Variants in XKR9 observed in about 807,000 individuals in gnomAD.
XKR9 encodes the protein XK related 9.
XKR9 carries 32 observed loss-of-function variants against 32.0 expected under a neutral mutation model. That is an observed-to-expected ratio of 1.00 (90% confidence interval 0.76 to 1.34). XKR9 has a LOEUF of 1.34. XKR9 is among the 40% of genes most tolerant of loss of function. The pLI is 0.00. For missense variants in XKR9, 546 were observed against 429.7 expected (o/e 1.27, Z -2.39); for synonymous variants, 168 against 143.4 (o/e 1.17, Z -1.22).
the XKR9 span, among the ~76,000 whole-genome samples, chr8:70,970,250 A>G: frequency 1.4e-3 from 215 of 152,354 alleles, no homozygotes; most frequent in African/African-American, 5.0e-3. Flanking sequence ...TCCTCTGGGT[A>G]GATACCTCGT....
chr8:71,063,652 A>G, the XKR9 span, among the ~76,000 whole-genome samples: 23 of 152,332 alleles, frequency 1.5e-4, no homozygotes, highest in African/African-American at 5.3e-4. Context: ...ATTTCAAACC[A>G]AAACCTAAAG....
intron 2 of XKR9, among the ~76,000 whole-genome samples, chr8:70,755,910 T>C (rs1490624495): frequency 1.3e-5 from 2 of 150,040 alleles, no homozygotes; most frequent in Non-Finnish European, 3.0e-5. Context: ...TAAAGTATAA[T>C]AATAATAATT....
the XKR9 span, among the ~76,000 whole-genome samples, chr8:70,862,305 T>C: frequency 1.3e-5 from 2 of 152,154 alleles, no homozygotes; most frequent in Admixed American, 6.6e-5. Context: ...CCCCACATAG[T>C]CTCTTATAAG....
intron 3 of XKR9, among the ~76,000 whole-genome samples, chr8:70,705,282 C>T (rs1029545724): frequency 2.0e-5 from 3 of 152,118 alleles, no homozygotes; most frequent in South Asian, 2.1e-4. Context: ...AAAACAAAGT[C>T]TGTCCTTTCA....
chr8:70,823,633 C>A, the XKR9 span, among the ~76,000 whole-genome samples: 1 of 152,156 alleles, frequency 6.6e-6, no homozygotes, highest in Non-Finnish European at 1.5e-5. Flanking sequence ...GAGATTCGAA[C>A]TTTTGGTAAG....
At chr8:70,731,830 G>A (rs150837162) in intron 4 of XKR9, among the ~76,000 whole-genome samples, 20 of 152,262 alleles carry the variant, frequency 1.3e-4, no homozygotes, top group South Asian at 6.2e-4. Flanking sequence ...GACTTCCATC[G>A]ACAATTCCTT....
At chr8:70,956,176 C>T in the XKR9 span, among the ~76,000 whole-genome samples, 3,346 of 152,260 alleles carry the variant, frequency 0.022, 104 homozygotes, top group African/African-American at 0.078. Flanking sequence ...CTGAGTTCTT[C>T]TCCCACGTCC....
chr8:70,706,918 A>T lies in XKR9; in HGVS notation c.273-15A>T. ...AATATAAAACTAAAGAGAAATGTTT[A>T]TGTTTACTTTATAGGTATTGGTTTG... On this transcript the variant is annotated splice_polypyrimidine_tract_variant and intron_variant, in intron 3 of 4. Transcript: ENST00000408926. 6.3e-7 allele frequency: 1 copy of T among 1,578,290 alleles called. No individual in the cohort carries two copies. Among genetic ancestry groups the T allele is most frequent in the Non-Finnish European group, 8.7e-7 (1 of 1,155,870 alleles).
chr8:71,003,249 C>T, the XKR9 span, among the ~76,000 whole-genome samples: 61 of 152,152 alleles, frequency 4.0e-4, no homozygotes, highest in Non-Finnish European at 8.1e-4. Flanking sequence ...TTTCCTGTAA[C>T]ATATAAATGT....
chr8:71,064,211 G>A, the XKR9 span, among the ~76,000 whole-genome samples: 12 of 151,978 alleles, frequency 7.9e-5, no homozygotes, highest in Non-Finnish European at 1.8e-4. Context: ...ATTTTTTGAA[G>A]TACTTGAAAA....
chr8:70,858,952 T>G, the XKR9 span, among the ~76,000 whole-genome samples: 1 of 152,076 alleles, frequency 6.6e-6, no homozygotes, highest in Non-Finnish European at 1.5e-5. Context: ...TGGGCAAAGA[T>G]TTTTTGTGTA....
At chr8:70,809,027 T>A in the XKR9 span, among the ~76,000 whole-genome samples, 1 of 152,200 alleles carries the variant, frequency 6.6e-6, no homozygotes, top group African/African-American at 2.4e-5. Flanking sequence ...TCGAGTAGCC[T>A]AACTGGTAGG....
the XKR9 span, among the ~76,000 whole-genome samples, chr8:70,992,461 T>C: frequency 6.6e-6 from 1 of 152,178 alleles, no homozygotes; most frequent in Non-Finnish European, 1.5e-5. Flanking sequence ...TTCCTTTGGA[T>C]TATTACTTCA....
chr8:70,763,468 T>C (rs930472256), intron 2 of XKR9, among the ~76,000 whole-genome samples: 5 of 152,198 alleles, frequency 3.3e-5, no homozygotes, highest in African/African-American at 1.2e-4. Flanking sequence ...CCCTGTGGAC[T>C]TCAACTGAAA....
chr8:71,052,898 A>G, the XKR9 span, among the ~76,000 whole-genome samples: 39 of 152,316 alleles, frequency 2.6e-4, no homozygotes, highest in African/African-American at 8.9e-4. Flanking sequence ...CCTGTCTGCC[A>G]TGCAAAGGAA....
the XKR9 span, among the ~76,000 whole-genome samples, chr8:70,959,652 A>G: frequency 6.6e-6 from 1 of 152,196 alleles, no homozygotes; most frequent in Non-Finnish European, 1.5e-5. Context: ...CTCTAATTTC[A>G]ATCATTTTCA....
the XKR9 span, among the ~76,000 whole-genome samples, chr8:70,920,578 A>G: frequency 6.6e-6 from 1 of 152,144 alleles, no homozygotes; most frequent in Non-Finnish European, 1.5e-5. Context: ...ATACATCATA[A>G]GAAGTGCTTT....
chr8:70,943,359 A>G, the XKR9 span, among the ~76,000 whole-genome samples: 12 of 152,270 alleles, frequency 7.9e-5, no homozygotes, highest in Middle Eastern at 0.01. Context: ...CTGCAAAATG[A>G]TCTTCTAAAA....
the XKR9 span, among the ~76,000 whole-genome samples, chr8:70,858,122 C>T: frequency 6.6e-6 from 1 of 152,094 alleles, no homozygotes; most frequent in Non-Finnish European, 1.5e-5. Flanking sequence ...CTAGGGCAAT[C>T]AGGCAGGAGA....
Sources: allele counts gnomAD v4.1 joint callset (sites outside exome capture counted in the v4.1 genomes callset), GRCh38; gene constraint gnomAD v4.1.1; transcripts MANE v1.5; gene names NCBI Gene and HGNC (gene_info 2026-07-23, HGNC 2026-07-21).